PCDH7: variants seen among roughly 807,000 people sequenced by gnomAD.
The protein encoded by PCDH7 is protocadherin-7.
PCDH7 carries 17 observed loss-of-function variants against 58.9 expected under a neutral mutation model. The ratio of observed to expected loss-of-function variants is 0.29; its 90% CI spans 0.20 to 0.43. The LOEUF is 0.43. Among genes scored for constraint, PCDH7 ranks in the 20% least tolerant of loss-of-function variants. PCDH7 has a pLI of 1.00. For synonymous variants in PCDH7, 664 were observed against 616.4 expected (o/e 1.08, Z -1.14); for missense variants, 1,274 against 1,441.0 (o/e 0.88, Z 1.88).
intron 1 of PCDH7, among the ~76,000 whole-genome samples, chr4:30,876,306 G>T (rs985216891): frequency 6.6e-6 from 1 of 151,988 alleles, no homozygotes; most frequent in Admixed American, 6.6e-5. Flanking sequence ...TATTAAATGT[G>T]TATTTATTTG....
chr4:31,089,532 T>C (rs1229426281), intron 3 of PCDH7, among the ~76,000 whole-genome samples: 1 of 152,094 alleles, frequency 6.6e-6, no homozygotes, highest in Non-Finnish European at 1.5e-5. Context: ...TAAAATGCTG[T>C]ATATTAGATG....
At chr4:30,780,068 A>G (rs1458236137) in intron 1 of PCDH7, among the ~76,000 whole-genome samples, 1 of 152,238 alleles carries the variant, frequency 6.6e-6, no homozygotes, top group East Asian at 1.9e-4. Context: ...ATGGAAATGA[A>G]TTAACTCTTA....
chr4:31,143,149 G>T, downstream of PCDH7: 1 of 193,080 alleles, frequency 5.2e-6, no homozygotes, highest in Non-Finnish European at 1.1e-5. Context: ...AAAAAAAAGG[G>T]GGATAGTTGC....
At chr4:30,763,665 C>T (rs1720332352) in intron 1 of PCDH7, among the ~76,000 whole-genome samples, 1 of 152,150 alleles carries the variant, frequency 6.6e-6, no homozygotes, top group Non-Finnish European at 1.5e-5. Flanking sequence ...TGTTTTTGAT[C>T]TCAGTATTTC....
chr4:31,090,488 C>T (rs1713092342), intron 3 of PCDH7, among the ~76,000 whole-genome samples: 1 of 151,996 alleles, frequency 6.6e-6, no homozygotes, highest in African/African-American at 2.4e-5. Context: ...CCCTGTTGTG[C>T]TAGCAAATAC....
chr4:30,764,760 C>T (rs191504899), intron 1 of PCDH7, among the ~76,000 whole-genome samples: 2 of 152,002 alleles, frequency 1.3e-5, no homozygotes, highest in South Asian at 2.1e-4. Context: ...CTTGCTCTGT[C>T]ACCAGGCTGG....
chr4:31,054,036 G>A (rs1048233653), intron 3 of PCDH7, among the ~76,000 whole-genome samples: 3 of 152,054 alleles, frequency 2.0e-5, no homozygotes, highest in Admixed American at 6.6e-5. Context: ...CACAATCAGA[G>A]CTCACTGCAA....
chr4:30,772,843 G>A (rs1486285025), intron 1 of PCDH7, among the ~76,000 whole-genome samples: 2 of 152,110 alleles, frequency 1.3e-5, no homozygotes, highest in African/African-American at 2.4e-5. Flanking sequence ...GTATTATCTT[G>A]TTAATCCTAA....
chr4:30,926,433 C>T (rs1743881785), intron 2 of PCDH7, among the ~76,000 whole-genome samples: 1 of 152,178 alleles, frequency 6.6e-6, no homozygotes, highest in Admixed American at 6.5e-5. Flanking sequence ...ATCTGCCTGC[C>T]TCAGCCTCCC....
intron 1 of PCDH7, among the ~76,000 whole-genome samples, chr4:30,818,694 T>C (rs1727992322): frequency 1.3e-5 from 2 of 152,184 alleles, no homozygotes; most frequent in East Asian, 1.9e-4. Flanking sequence ...GTTTTTCCAA[T>C]ATATGCAGCT....
intron 3 of PCDH7, among the ~76,000 whole-genome samples, chr4:30,991,675 C>T (rs1020268099): frequency 2.6e-5 from 4 of 152,052 alleles, no homozygotes; most frequent in Non-Finnish European, 5.9e-5. Context: ...AAGAATAAAA[C>T]TGGTCATCGT....
chr4:30,979,522 C>T (rs1750371506), intron 3 of PCDH7, among the ~76,000 whole-genome samples: 1 of 151,888 alleles, frequency 6.6e-6, no homozygotes. Flanking sequence ...AGTGGTTTGA[C>T]TTTTGCAATA....
chr4:31,002,486 G>A (rs1172510218), intron 3 of PCDH7, among the ~76,000 whole-genome samples: 1 of 152,190 alleles, frequency 6.6e-6, no homozygotes, highest in Non-Finnish European at 1.5e-5. Context: ...TACTTAGATT[G>A]CTCTTGAGTA....
intron 1 of PCDH7, among the ~76,000 whole-genome samples, chr4:30,859,682 CA>C (rs1381650039): frequency 6.6e-6 from 1 of 151,968 alleles, no homozygotes; most frequent in East Asian, 1.9e-4. Context: ...TCAAGTGATC[CA>C]CCAGCCTCGA....
intron 1 of PCDH7, among the ~76,000 whole-genome samples, chr4:30,834,679 C>A (rs1046581929): frequency 2.7e-5 from 4 of 150,798 alleles, no homozygotes; most frequent in Non-Finnish European, 4.4e-5. Context: ...AAAAAAAAAA[C>A]CTGAGTCTCT....
chr4:31,067,374 CAAAAAAAAAA>C (rs10715937), intron 3 of PCDH7, among the ~76,000 whole-genome samples: 2 of 109,654 alleles, frequency 1.8e-5, no homozygotes, highest in Non-Finnish European at 3.8e-5. Context: ...ATCACTGAGA[CAAAAAAAAAA>C]AAAAAAAAAG....
chr4:30,964,780 A>C (rs1748852556), intron 3 of PCDH7, among the ~76,000 whole-genome samples: 1 of 152,160 alleles, frequency 6.6e-6, no homozygotes. Flanking sequence ...TTCATGTACA[A>C]ACTAAAAAGT....
chr4:31,139,207 C>T (rs936774524), intron 3 of PCDH7, among the ~76,000 whole-genome samples: 3 of 151,926 alleles, frequency 2.0e-5, no homozygotes, highest in East Asian at 1.9e-4. Flanking sequence ...GGTATGCGGG[C>T]GTTGAGAAAT....
Position 30,833,046 on chromosome 4 carries a change from A to G in PCDH7, c.71-87107A>G, listed in dbSNP as rs566191057. 2.2e-3 allele frequency among the ~76,000 whole-genome samples: 328 copies of G among 152,210 alleles called. 1 individual carries two copies. The highest frequency in any genetic ancestry group is 7.5e-3 in the African/African-American group (312 of 41,540). Reference sequence around the variant, plus strand: ...TCAAGCAATAAGAGCCTGCTTTGTGACAGTATTTACTGGACATTAAGGATG... The same window carrying G: ...TCAAGCAATAAGAGCCTGCTTTGTGGCAGTATTTACTGGACATTAAGGATG... On this transcript the variant is annotated intron_variant, in intron 1 of 3. Transcript: ENST00000509759.
Sources: allele counts gnomAD v4.1 joint callset (sites outside exome capture counted in the v4.1 genomes callset), GRCh38; gene constraint gnomAD v4.1.1; transcripts MANE v1.5; gene names NCBI Gene and HGNC (gene_info 2026-07-23, HGNC 2026-07-21).